EDA: variants seen among roughly 807,000 people sequenced by gnomAD.
The protein encoded by EDA is ectodysplasin A.
EDA carries 2 observed loss-of-function variants against 23.6 expected under a neutral mutation model. The observed-to-expected ratio is 0.08, with a 90% CI of 0.03 to 0.27. The LOEUF is 0.27. Among genes scored for constraint, EDA ranks in the 10% least tolerant of loss-of-function variants. EDA has a pLI of 1.00. For synonymous variants in EDA, 131 were observed against 132.0 expected (o/e 0.99, Z 0.05); for missense variants, 229 against 324.2 (o/e 0.71, Z 2.26).
chrX:69,807,226 CTAAG>C (rs1191107107), intron 1 of EDA, among the ~76,000 whole-genome samples: 1 of 108,308 alleles, frequency 9.2e-6, no homozygotes, highest in Non-Finnish European at 1.9e-5. Context: ...ATTCAATTCA[CTAAG>C]TAGGCAAAAT....
intron 1 of EDA, among the ~76,000 whole-genome samples, chrX:69,679,542 G>C (rs1294093162): frequency 1.8e-5 from 2 of 111,176 alleles, no homozygotes; most frequent in Non-Finnish European, 3.8e-5. Flanking sequence ...TCCTTGTTTA[G>C]TCTTGGGAGG....
intron 1 of EDA, among the ~76,000 whole-genome samples, chrX:69,642,696 C>A (rs1932854533): frequency 9.0e-6 from 1 of 111,450 alleles, no homozygotes; most frequent in South Asian, 3.8e-4. Context: ...AGGTCTAAGG[C>A]AGGAACTTGA....
intron 1 of EDA, among the ~76,000 whole-genome samples, chrX:69,780,662 G>A (rs754995744): frequency 2.7e-5 from 3 of 110,799 alleles, no homozygotes; most frequent in Non-Finnish European, 5.7e-5. Flanking sequence ...CTATTCTCGT[G>A]ATAGTGAGTG....
chrX:69,859,371 A>G (rs1297083117), intron 1 of EDA, among the ~76,000 whole-genome samples: 4 of 111,841 alleles, frequency 3.6e-5, no homozygotes, highest in Non-Finnish European at 7.5e-5. Flanking sequence ...ATTTAGTGCT[A>G]TAAATTTACC....
At chrX:69,685,074 G>A (rs1036350464) in intron 1 of EDA, among the ~76,000 whole-genome samples, 2 of 111,912 alleles carry the variant, frequency 1.8e-5, no homozygotes, top group Admixed American at 1.9e-4. Context: ...TAATAGTCTG[G>A]AAGTATTCAT....
At chrX:69,708,693 G>A (rs1363004453) in intron 1 of EDA, among the ~76,000 whole-genome samples, 1 of 111,175 alleles carries the variant, frequency 9.0e-6, no homozygotes, top group Non-Finnish European at 1.9e-5. Flanking sequence ...CCTGTATCTG[G>A]CTAGGAAGAA....
At chrX:69,763,185 T>G (rs1003195797) in intron 1 of EDA, among the ~76,000 whole-genome samples, 2 of 112,267 alleles carry the variant, frequency 1.8e-5, no homozygotes, top group Non-Finnish European at 3.8e-5. Context: ...TTTCTAGAAA[T>G]AGGCAGGATA....
rs774012739 is a variant in EDA at position 69,991,876 on chromosome X, G to A, written c.503-31342G>A. ...AAGGGCTAGGAGCCACTGCATCTGG[G>A]GAGAGAGGGTTGGGAAGCACCTGGC... On this transcript the variant is annotated intron_variant, in intron 2 of 7. Coordinates refer to ENST00000374552, the MANE Select transcript of EDA (RefSeq NM_001399.5). 6.5e-4 allele frequency among the ~76,000 whole-genome samples: 73 copies of A among 112,064 alleles called. 1 individual carries two copies. In the South Asian group the frequency reaches 0.024, roughly 36 times the overall value.
intron 1 of EDA, among the ~76,000 whole-genome samples, chrX:69,677,076 G>T (rs1779451206): frequency 1.0e-5 from 1 of 96,900 alleles, no homozygotes; most frequent in Non-Finnish European, 2.1e-5. Flanking sequence ...AGAATATGCG[G>T]TGTTTGGTTT....
intron 1 of EDA, among the ~76,000 whole-genome samples, chrX:69,812,569 G>T (rs890656210): frequency 4.5e-5 from 5 of 112,171 alleles, no homozygotes; most frequent in African/African-American, 1.6e-4. Context: ...AATAAGGCAT[G>T]GTCCTTGCTC....
At chrX:69,693,230 C>T (rs746304372) in intron 1 of EDA, 2 of 110,891 alleles carry the variant, frequency 1.8e-5, no homozygotes, top group South Asian at 7.6e-4. Context: ...AAAACCAGAA[C>T]AAAGGGAGGG....
chrX:69,687,242 T>C (rs1466765502), intron 1 of EDA, among the ~76,000 whole-genome samples: 1 of 111,090 alleles, frequency 9.0e-6, no homozygotes, highest in Non-Finnish European at 1.9e-5. Flanking sequence ...TCAGATCCTT[T>C]GCCCATTTTT....
chrX:69,841,879 A>G (rs1336489827), intron 1 of EDA, among the ~76,000 whole-genome samples: 1 of 112,506 alleles, frequency 8.9e-6, no homozygotes, highest in Non-Finnish European at 1.9e-5. Context: ...TAGTCTTGAC[A>G]AGGCTAAATG....
intron 2 of EDA, among the ~76,000 whole-genome samples, chrX:69,990,648 T>C (rs2019574329): frequency 9.0e-6 from 1 of 110,957 alleles, no homozygotes; most frequent in Non-Finnish European, 1.9e-5. Context: ...CTGTAGTGTT[T>C]GACTAAAGCG....
chrX:69,897,174 A>G (rs189645331), intron 1 of EDA, among the ~76,000 whole-genome samples: 15 of 110,663 alleles, frequency 1.4e-4, no homozygotes, highest in African/African-American at 4.6e-4. Flanking sequence ...CTTTCCCTAC[A>G]GTAGGATTTT....
At chrX:69,664,367 TC>T (rs772636642) in intron 1 of EDA, among the ~76,000 whole-genome samples, 2 of 111,318 alleles carry the variant, frequency 1.8e-5, no homozygotes, top group South Asian at 7.7e-4. Context: ...AAAGGGGAGA[TC>T]CCCTGCACAT....
chrX:69,784,830 A>C (rs2015094856), intron 1 of EDA, among the ~76,000 whole-genome samples: 1 of 109,790 alleles, frequency 9.1e-6, no homozygotes, highest in Non-Finnish European at 1.9e-5. Context: ...TCTGTGAAGA[A>C]AGTCATTGGT....
At chrX:69,901,711 G>C (rs767125391) in intron 1 of EDA, among the ~76,000 whole-genome samples, 1 of 111,724 alleles carries the variant, frequency 9.0e-6, no homozygotes, top group East Asian at 2.8e-4. Flanking sequence ...ATGGATCCAT[G>C]TGAGGTTATG....
intron 2 of EDA, among the ~76,000 whole-genome samples, chrX:70,004,347 G>C (rs894913204): frequency 9.0e-6 from 1 of 111,696 alleles, no homozygotes; most frequent in African/African-American, 3.3e-5. Context: ...AAATACTTGA[G>C]ATTGGGATGG....
Sources: gnomAD v4.1 joint callset for allele counts (sites outside exome capture counted in the v4.1 genomes callset) on GRCh38, gnomAD v4.1.1 for gene constraint, MANE v1.5 for transcripts, NCBI Gene and HGNC (gene_info 2026-07-23, HGNC 2026-07-21) for gene names.